CDC23: variants seen among roughly 807,000 people sequenced by gnomAD.
CDC23 encodes the protein cell division cycle 23.
Under a neutral mutation model 81.7 loss-of-function variants are expected in CDC23, and 26 were observed. The observed-to-expected ratio is 0.32, with a 90% CI of 0.23 to 0.44. The LOEUF (loss-of-function observed/expected upper bound fraction) is 0.44, where lower values mean the gene tolerates loss of function less well. CDC23 is among the 20% of genes least tolerant of loss of function. The pLI, the probability that CDC23 is intolerant of heterozygous loss-of-function variation, is 1.00. For synonymous variants in CDC23, 267 were observed against 270.8 expected, an observed-to-expected ratio of 0.99 and a Z score of 0.14; for missense variants, 519 against 728.0, an observed-to-expected ratio of 0.71 and a Z score of 3.30.
chr5:138,191,398 G>T, intron 13 of CDC23, 76 bp downstream of exon 13: 1 of 1,191,928 alleles, frequency 8.4e-7, no homozygotes, highest in Non-Finnish European at 1.3e-6. Context: ...TGTATGGGAG[G>T]CTCTAGACCA....
intron 2 of CDC23, among the ~76,000 whole-genome samples, chr5:138,209,300 C>T (rs1229922062): frequency 6.6e-6 from 1 of 151,340 alleles, no homozygotes; most frequent in East Asian, 2.0e-4. Context: ...TGGTGGTGAG[C>T]ACCTGTAATC....
chr5:138,190,138 G>C, intron 13 of CDC23: 1 of 531,646 alleles, frequency 1.9e-6, no homozygotes, highest in South Asian at 2.3e-5. Context: ...TAATATCTAA[G>C]CTAGATAAAC....
intron 9 of CDC23, among the ~76,000 whole-genome samples, chr5:138,193,089 C>G (rs945519211): frequency 6.6e-6 from 1 of 152,062 alleles, no homozygotes; most frequent in African/African-American, 2.4e-5. Context: ...GCCACCAAGC[C>G]GGGGTAATTT....
chr5:138,189,582 C>A, intron 15 of CDC23, 51 bp downstream of exon 15: 1 of 1,570,726 alleles, frequency 6.4e-7, no homozygotes, highest in Non-Finnish European at 8.7e-7. Flanking sequence ...ACTTAAATAT[C>A]TTATGTTCTA....
At position 138,191,944 on chromosome 5, in the gene CDC23, A is replaced by G. The variant is rs777097712; in HGVS notation, c.1287-7T>C. 6.2e-7 allele frequency: 1 copy of G among 1,613,382 alleles called. No homozygotes were observed. The highest frequency in any genetic ancestry group is 8.5e-7 in the Non-Finnish European group (1 of 1,179,342). ...CATGCGAGAATCATTGGGTCTGAGA[A>G]AGAAGAACAGGCAGTCTGAGCAAAG... On this transcript the variant is annotated splice_region_variant and splice_polypyrimidine_tract_variant and intron_variant, in intron 11 of 15. Transcript: ENST00000394886.
intron 2 of CDC23, 129 bp downstream of exon 2, chr5:138,212,862 G>A (rs542452877): frequency 1.4e-5 from 10 of 705,356 alleles, no homozygotes; most frequent in African/African-American, 1.4e-4. Flanking sequence ...TCAGCTCTTT[G>A]AATGCCTGAA....
In CDC23 at chr5:138,189,742, TCTA is replaced by T; in HGVS notation, c.1511_1513del (p.Val504del). On this transcript the variant is annotated inframe_deletion, in exon 15 of 16. Transcript: ENST00000394886. ...AAAGGCAGTGCTTTCCTCCAAGTGT[TCTA>T]CTATTTCCTAGAAAGGGAAAGCAAA... 6.2e-7 allele frequency: 1 copy of T among 1,613,706 alleles called. No individual in the cohort carries two copies. Among genetic ancestry groups the T allele is most frequent in the Middle Eastern group, 1.6e-4 (1 of 6,062 alleles).
At chr5:138,205,858 C>T (rs1436686315) in intron 3 of CDC23, 1 of 152,116 alleles carries the variant, frequency 6.6e-6, no homozygotes, top group African/African-American at 2.4e-5. Flanking sequence ...ACCAATGACA[C>T]TCAAAGCACC....
intron 11 of CDC23, 129 bp from the exon 12 acceptor site, chr5:138,192,066 G>C: frequency 1.1e-6 from 1 of 921,194 alleles, no homozygotes; most frequent in East Asian, 2.5e-5. Context: ...CCATATAATA[G>C]ATTACTTTGT....
At chr5:138,209,435 G>A (rs1458400321) in intron 2 of CDC23, among the ~76,000 whole-genome samples, 8 of 147,500 alleles carry the variant, frequency 5.4e-5, no homozygotes, top group African/African-American at 2.0e-4. Flanking sequence ...AAAAAAAAAA[G>A]AAAAGAAAAG....
At chr5:138,210,906 C>T (rs573956004) in intron 2 of CDC23, among the ~76,000 whole-genome samples, 1 of 152,310 alleles carries the variant, frequency 6.6e-6, no homozygotes, top group South Asian at 2.1e-4. Context: ...AACACTTATA[C>T]ACTGTTGATG....
intron 2 of CDC23, among the ~76,000 whole-genome samples, chr5:138,209,199 G>A (rs1369034880): frequency 2.2e-4 from 33 of 152,164 alleles, no homozygotes; most frequent in Admixed American, 7.2e-4. Flanking sequence ...GGCTAAGACA[G>A]GTGGATCACC....
intron 9 of CDC23, 76 bp from the exon 10 acceptor site, chr5:138,192,733 A>G: frequency 1.5e-6 from 2 of 1,344,426 alleles, no homozygotes. Context: ...ATAGCATTCC[A>G]CCAAATGGGC....
At chr5:138,209,011 C>T (rs372493840) in intron 2 of CDC23, among the ~76,000 whole-genome samples, 21 of 152,300 alleles carry the variant, frequency 1.4e-4, no homozygotes, top group East Asian at 1.2e-3. Context: ...TCTGGAACTC[C>T]CGGCCTCAAG....
chr5:138,207,534 A>G (rs1755065100), intron 2 of CDC23, among the ~76,000 whole-genome samples: 1 of 152,224 alleles, frequency 6.6e-6, no homozygotes, highest in Non-Finnish European at 1.5e-5. Context: ...CATAAATGCA[A>G]TGTACGTGCA....
chr5:138,191,440 G>C (rs890559077), intron 13 of CDC23, 34 bp downstream of exon 13: 17 of 1,599,980 alleles, frequency 1.1e-5, no homozygotes, highest in Non-Finnish European at 1.2e-5. Flanking sequence ...GAAGCCAACA[G>C]AAATATCAAT....
intron 15 of CDC23, 152 bp from the exon 16 acceptor site, chr5:138,189,300 A>G: frequency 2.9e-6 from 2 of 699,142 alleles, no homozygotes; most frequent in Admixed American, 2.8e-5. Context: ...TGTGTCACCC[A>G]GGCTACAGTG....
chr5:138,193,734 G>A (rs575342976), intron 9 of CDC23, among the ~76,000 whole-genome samples: 15 of 151,638 alleles, frequency 9.9e-5, no homozygotes, highest in Non-Finnish European at 2.1e-4. Context: ...TAAGGCGGGC[G>A]GATCACCTGA....
At chr5:138,210,701 C>T (rs1353682495) in intron 2 of CDC23, among the ~76,000 whole-genome samples, 1 of 152,158 alleles carries the variant, frequency 6.6e-6, no homozygotes, top group Admixed American at 6.6e-5. Context: ...ATCATTCTCA[C>T]AGCAAACTGA....
Sources: gnomAD v4.1 joint callset for allele counts (sites outside exome capture counted in the v4.1 genomes callset) on GRCh38, gnomAD v4.1.1 for gene constraint, MANE v1.5 for transcripts, NCBI Gene and HGNC (gene_info 2026-07-23, HGNC 2026-07-21) for gene names.